KCNT1: variants seen among roughly 807,000 people sequenced by gnomAD.
KCNT1 encodes potassium sodium-activated channel subfamily T member 1.
A neutral mutation model predicts 147.8 loss-of-function variants in KCNT1; 78 were observed. The observed-to-expected ratio is 0.53, with a 90% CI of 0.44 to 0.64. The LOEUF is 0.64. Among genes scored for constraint, KCNT1 ranks in the 30% least tolerant of loss-of-function variants. KCNT1 has a pLI of 0.00. For synonymous variants in KCNT1, 867 were observed against 748.8 expected, an observed-to-expected ratio of 1.16 and a Z score of -2.58; for missense variants, 1,419 against 1,750.3, an observed-to-expected ratio of 0.81 and a Z score of 3.38.
Position 135,779,372 on chromosome 9 carries a change from C to G in KCNT1, c.2743C>G (p.Leu915Val). The G allele has an allele frequency of 6.2e-7, 1 of 1,613,522 alleles. No homozygotes were observed. The highest frequency in any genetic ancestry group is 8.5e-7 in the Non-Finnish European group (1 of 1,179,702). Residue 915 changes from leucine (L) to valine (V), a missense_variant, in exon 24 of 31, where the codon CTC becomes GTC. Transcript: ENST00000371757. The stretch of plus-strand genomic sequence containing the variant: ...TGCCTCCCCCAGGCTCTTCCCCAGC[C>G]TCAGCATCACCACGGAGCTCACCCA... ...VQTMFRLFPS[L>V]SITTELTHPS... is the part of the protein sequence containing the mutation.
chr9:135,710,804 C>G (rs923900360), intron 1 of KCNT1, among the ~76,000 whole-genome samples: 3 of 152,174 alleles, frequency 2.0e-5, no homozygotes, highest in African/African-American at 7.2e-5. Flanking sequence ...AATAGTGATG[C>G]GCTCTTGATT....
intron 15 of KCNT1, 36 bp from the exon 16 acceptor site, chr9:135,769,911 A>G (rs1832630383): frequency 6.9e-7 from 1 of 1,444,640 alleles, no homozygotes; most frequent in African/African-American, 1.4e-5. Flanking sequence ...GAGCCGGCAG[A>G]GCGGCAGGTG....
intron 27 of KCNT1, 61 bp downstream of exon 27, chr9:135,784,950 TCCCCACC>T: frequency 6.3e-7 from 1 of 1,574,994 alleles, no homozygotes; most frequent in Non-Finnish European, 8.6e-7. Context: ...ACCCACAGCA[TCCCCACC>T]TTCCGGGGGC....
intron 18 of KCNT1, chr9:135,771,296 CAGG>C (rs1209569888): frequency 2.9e-5 from 18 of 612,124 alleles, no homozygotes; most frequent in Non-Finnish European, 2.6e-5. Context: ...CCAGGTGGGA[CAGG>C]AGACCAGACC....
intron 24 of KCNT1, among the ~76,000 whole-genome samples, chr9:135,782,801 G>A (rs1463170374): frequency 1.3e-5 from 2 of 152,234 alleles, no homozygotes; most frequent in African/African-American, 2.4e-5. Flanking sequence ...AATTCTGGAT[G>A]CAAATCACCA....
chr9:135,736,962 G>C, intron 2 of KCNT1: 1 of 303,900 alleles, frequency 3.3e-6, no homozygotes, highest in Non-Finnish European at 6.1e-6. Context: ...CAGCCTTTGA[G>C]AGCCTGCGGG....
At chr9:135,764,899 G>A in intron 11 of KCNT1, 132 bp from the exon 12 acceptor site, 1 of 836,774 alleles carries the variant, frequency 1.2e-6, no homozygotes, top group Non-Finnish European at 1.8e-6. Flanking sequence ...CCCCCCTAAT[G>A]TAGGTGTCAC....
In KCNT1 at chr9:135,792,037, G is replaced by A. The variant is rs754639389; in HGVS notation, c.3588-4G>A. Reference sequence around the variant, plus strand: ...ACTCCAGGGTCCTCTGTGCCCTCCCGCAGCTATCTCATCCGCTCCGACCCC... The same window carrying A: ...ACTCCAGGGTCCTCTGTGCCCTCCCACAGCTATCTCATCCGCTCCGACCCC... On this transcript the variant is annotated splice_polypyrimidine_tract_variant and splice_region_variant and intron_variant, in intron 30 of 30. Transcript: ENST00000371757. 2.8e-5 allele frequency: 45 copies of A among 1,603,698 alleles called. No homozygotes were observed. Among genetic ancestry groups the A allele is most frequent in the Admixed American group, 8.3e-5 (5 of 59,932 alleles).
chr9:135,782,780 A>G (rs931309209), intron 24 of KCNT1, among the ~76,000 whole-genome samples: 1 of 152,278 alleles, frequency 6.6e-6, no homozygotes. Context: ...GTCTCCGCGA[A>G]GTACGGCTGG....
chr9:135,747,252 G>A (rs1021157953), intron 2 of KCNT1, among the ~76,000 whole-genome samples: 2 of 152,094 alleles, frequency 1.3e-5, no homozygotes, highest in Admixed American at 6.5e-5. Context: ...GCTCCCTGCC[G>A]GAGAGGAGAG....
At chr9:135,744,582 G>T (rs955224679) in intron 2 of KCNT1, among the ~76,000 whole-genome samples, 1 of 152,236 alleles carries the variant, frequency 6.6e-6, no homozygotes, top group Admixed American at 6.5e-5. Context: ...TGGGGCAAGC[G>T]TGGGCCTCGG....
At chr9:135,760,222 C>T (rs2131453670) in intron 11 of KCNT1, among the ~76,000 whole-genome samples, 1 of 152,302 alleles carries the variant, frequency 6.6e-6, no homozygotes, top group East Asian at 1.9e-4. Flanking sequence ...GCAGCAGCTG[C>T]CAGGCCCACA....
rs1355335907 is a variant in KCNT1, at chr9:135,791,773, TCTGCCCGG to T, written c.3503-20_3503-13del. On this transcript the variant is annotated splice_polypyrimidine_tract_variant and intron_variant, in intron 29 of 30. Transcript: ENST00000371757. ...GAGGGGCAGGGCTGGGGGGGTGACG[TCTGCCCGG>T]CTGTGTCCTTTGCAGACGAGATGAA... is the stretch of plus-strand genomic sequence containing the variant. 1 of 1,609,942 alleles carries T rather than the reference TCTGCCCGG, an allele frequency of 6.2e-7. No individual in the cohort carries two copies. The highest frequency in any genetic ancestry group is 1.3e-5 in the African/African-American group (1 of 74,816).
intron 2 of KCNT1, among the ~76,000 whole-genome samples, chr9:135,720,277 G>A (rs2131339780): frequency 6.6e-6 from 1 of 152,092 alleles, no homozygotes; most frequent in South Asian, 2.1e-4. Flanking sequence ...ACAGGGTGAA[G>A]GCCCCACCAG....
chr9:135,774,892 C>A (rs779734391), intron 19 of KCNT1, among the ~76,000 whole-genome samples: 1 of 152,094 alleles, frequency 6.6e-6, no homozygotes, highest in Non-Finnish European at 1.5e-5. Context: ...GAGGGCCCTA[C>A]CCACCCCTCG....
Position 135,785,766 on chromosome 9 carries a change from G to A in KCNT1, c.3178-431G>A, listed in dbSNP as rs544070452. The stretch of plus-strand genomic sequence containing the variant: ...GTTCCCCAGGTTCGGGGCCTCCAAA[G>A]GGTGTGTTTGCAAGAGGGATCAGGG... On this transcript the variant is annotated intron_variant, in intron 28 of 30. Transcript: ENST00000371757. 40 of 434,834 alleles carry A rather than the reference G, an allele frequency of 9.2e-5. No individual in the cohort carries two copies. The East Asian group carries it at 2.0e-3, about 21-fold the overall frequency. 26.9% of individuals were successfully genotyped at this position (434,834 alleles called of 1,614,324 possible).
At chr9:135,789,754 A>G (rs980953747) in intron 29 of KCNT1, 5 of 152,090 alleles carry the variant, frequency 3.3e-5, no homozygotes, top group Non-Finnish European at 7.3e-5. Context: ...TGGGTGGAGG[A>G]GTCAGGTAGC....
chr9:135,784,445 C>G, intron 25 of KCNT1, 90 bp from the exon 26 acceptor site: 1 of 967,794 alleles, frequency 1.0e-6, no homozygotes, highest in Non-Finnish European at 1.6e-6. Flanking sequence ...GGGGTATGGA[C>G]CTGTGTCCCA....
chr9:135,757,370 G>T lies in KCNT1; in HGVS notation c.748G>T (p.Glu250Ter). The T allele has an allele frequency of 6.2e-7, 1 of 1,609,106 alleles. No homozygotes were observed. The highest frequency in any genetic ancestry group is 8.5e-7 in the Non-Finnish European group (1 of 1,179,902). Residue 250 changes from glutamate to a stop codon, truncating the protein, a stop_gained, in exon 9 of 31, where the codon GAA (glutamate) becomes TAA (stop). Coordinates refer to ENST00000371757, the MANE Select transcript of KCNT1 (RefSeq NM_020822.3). LOFTEE classifies it high-confidence loss of function. ...CTGCTGGCTGGCCAAGCACGCGCTG[G>T]AAAACATGATTGTAAGCCGGGGCGG... ...LNCWLAKHAL[E>*]NMINDFHRAI...
Sources: gnomAD v4.1 joint callset for allele counts (sites outside exome capture counted in the v4.1 genomes callset) on GRCh38, gnomAD v4.1.1 for gene constraint, MANE v1.5 for transcripts, NCBI Gene and HGNC (gene_info 2026-07-23, HGNC 2026-07-21) for gene names.